Variants in TDP1 observed in about 807,000 individuals in gnomAD.
The protein encoded by TDP1 is tyr-DNA phosphodiesterase 1.
TDP1 carries 64 observed loss-of-function variants against 81.5 expected under a neutral mutation model. The ratio of observed to expected loss-of-function variants is 0.79; its 90% CI spans 0.64 to 0.97. The LOEUF (loss-of-function observed/expected upper bound fraction) is 0.97. TDP1 is among the 50% of genes least tolerant of loss of function. TDP1 has a pLI of 0.00. For missense variants in TDP1, 723 were observed against 743.8 expected, an observed-to-expected ratio of 0.97 and a Z score of 0.33; for synonymous variants, 256 against 264.3, an observed-to-expected ratio of 0.97 and a Z score of 0.30.
At chr14:89,965,512 G>T (rs1892835783) in intron 3 of TDP1, among the ~76,000 whole-genome samples, 1 of 152,212 alleles carries the variant, frequency 6.6e-6, no homozygotes, top group Admixed American at 6.5e-5. Flanking sequence ...AGATGTGGCT[G>T]TTGTAATGGA....
chr14:90,001,843 T>A (rs1897213529), intron 14 of TDP1, among the ~76,000 whole-genome samples: 1 of 152,126 alleles, frequency 6.6e-6, no homozygotes, highest in Non-Finnish European at 1.5e-5. Context: ...CTTCCCAGTT[T>A]ATTTTATTTA....
Position 89,993,436 on chromosome 14 carries a change from G to A in TDP1, c.1494G>A (p.Met498Ile). 5 of 1,613,906 alleles carry A rather than the reference G, an allele frequency of 3.1e-6. No individual in the cohort carries two copies. Among genetic ancestry groups the A allele is most frequent in the Non-Finnish European group, 4.2e-6 (5 of 1,179,878 alleles). The part of the protein sequence containing the change: ...SNAMPHIKTY[M>I]RPSPDFSKIA... ...CCATGCCACATATTAAGACATATAT[G>A]AGGCCTTCTCCAGACTTCAGTAAAA... is the stretch of plus-strand genomic sequence containing the variant. Residue 498 changes from methionine (M) to isoleucine (I), a missense_variant, in exon 14 of 17, where the codon ATG (methionine) becomes ATA (isoleucine). Physicochemically the swap from Met to Ile is conservative, Grantham distance 10 (BLOSUM62 1). Transcript: ENST00000335725.
At chr14:90,040,764 T>C (rs2140354043) in intron 16 of TDP1, among the ~76,000 whole-genome samples, 1 of 152,376 alleles carries the variant, frequency 6.6e-6, no homozygotes, top group Middle Eastern at 3.4e-3. Context: ...CCAGGAGTGA[T>C]GAGTTAAAAG....
At chr14:90,035,532 A>C (rs1194270527) in intron 16 of TDP1, among the ~76,000 whole-genome samples, 1 of 151,674 alleles carries the variant, frequency 6.6e-6, no homozygotes, top group African/African-American at 2.4e-5. Context: ...TCCACAACTT[A>C]CTAAATAGAC....
intron 5 of TDP1, among the ~76,000 whole-genome samples, chr14:89,970,171 T>C (rs36005472): frequency 0.095 from 14,458 of 152,244 alleles, 1,763 homozygotes; most frequent in African/African-American, 0.28. Flanking sequence ...CCACCGCGCC[T>C]GGCCGAAATA....
chr14:89,957,585 G>A (rs767132180), intron 2 of TDP1, among the ~76,000 whole-genome samples: 8 of 152,222 alleles, frequency 5.3e-5, no homozygotes, highest in Non-Finnish European at 1.0e-4. Flanking sequence ...AGGAGCAGCT[G>A]GAGGTGAAAG....
chr14:89,962,892 AAAAG>A (rs1442386524), intron 2 of TDP1: 8 of 985,128 alleles, frequency 8.1e-6, no homozygotes, highest in Non-Finnish European at 9.6e-6. Context: ...AAAGGAAGAA[AAAAG>A]AAAGGTGACC....
chr14:89,954,986 G>T (rs1039051116), upstream of TDP1: 3 of 421,532 alleles, frequency 7.1e-6, no homozygotes, highest in Middle Eastern at 6.2e-4. Flanking sequence ...CTAGGTGCTG[G>T]TTCAATGCCT....
At chr14:90,024,166 G>C (rs1886389994) in intron 15 of TDP1, among the ~76,000 whole-genome samples, 1 of 152,044 alleles carries the variant, frequency 6.6e-6, no homozygotes, top group Admixed American at 6.6e-5. Flanking sequence ...TCCTTAGCAG[G>C]GCTTCTTTTC....
At chr14:90,028,723 A>G (rs981785684) in intron 15 of TDP1, among the ~76,000 whole-genome samples, 5 of 152,230 alleles carry the variant, frequency 3.3e-5, no homozygotes, top group African/African-American at 4.8e-5. Flanking sequence ...AATTTGGATC[A>G]GAAATGGCAT....
chr14:89,986,633 G>T (rs1022229176), intron 10 of TDP1, among the ~76,000 whole-genome samples: 1 of 152,246 alleles, frequency 6.6e-6, no homozygotes, highest in African/African-American at 2.4e-5. Context: ...GTGATTAGGT[G>T]CCTGTTTCCA....
intron 15 of TDP1, among the ~76,000 whole-genome samples, chr14:90,027,048 A>G (rs926031653): frequency 5.9e-5 from 9 of 152,178 alleles, no homozygotes; most frequent in African/African-American, 1.9e-4. Context: ...GTCTTCCACA[A>G]TGGTTGAACT....
chr14:89,963,345 G>T lies in TDP1; in HGVS notation c.231G>T (p.Gln77His), dbSNP rs1201778737. ...NTDSVLPPKR[Q>H]KSGSQEDLGW... ...ATTCAGTTTTACCTCCCAAAAGGCA[G>T]AAAAGCGGTTCCCAGGAGGACCTCG... Residue 77 changes from glutamine to histidine, a missense_variant, in exon 3 of 17, where the codon CAG (glutamine) becomes CAT (histidine). Gln to His is a conservative substitution (Grantham distance 24). Coordinates refer to ENST00000335725, the MANE Select transcript of TDP1 (RefSeq NM_018319.4). 1 of 1,614,082 alleles carries T rather than the reference G, an allele frequency of 6.2e-7. No homozygotes were observed. The highest frequency in any genetic ancestry group is 1.3e-5 in the African/African-American group (1 of 74,926).
At chr14:90,016,261 C>T (rs955223586) in intron 14 of TDP1, among the ~76,000 whole-genome samples, 4 of 152,060 alleles carry the variant, frequency 2.6e-5, no homozygotes, top group Non-Finnish European at 5.9e-5. Flanking sequence ...TAAGACTGGT[C>T]TCGAACTCTC....
rs1039146240 is a variant in TDP1 at position 90,012,791 on chromosome 14, G to A, written c.1542-6525G>A. 1.1e-4 allele frequency among the ~76,000 whole-genome samples: 16 copies of A among 152,242 alleles called. No individual in the cohort carries two copies. In the South Asian group the frequency reaches 1.7e-3, roughly 16 times the overall value. ...ACTGACAGCTTGCATGGTGGGCCTG[G>A]AAAAGCTGCAGACACTCAATGCCGG... On this transcript the variant is annotated intron_variant, in intron 14 of 16. Coordinates refer to ENST00000335725, the MANE Select transcript of TDP1 (RefSeq NM_018319.4).
intron 14 of TDP1, among the ~76,000 whole-genome samples, chr14:90,010,162 A>T (rs1884533629): frequency 6.6e-6 from 1 of 152,218 alleles, no homozygotes; most frequent in South Asian, 2.1e-4. Flanking sequence ...GTCAAAAGAC[A>T]CCATTTTGGG....
chr14:90,041,507 TGAGGCTGC>T (rs1888351702), intron 16 of TDP1, among the ~76,000 whole-genome samples: 1 of 152,136 alleles, frequency 6.6e-6, no homozygotes, highest in South Asian at 2.1e-4. Flanking sequence ...GAACAAACCG[TGAGGCTGC>T]GAGAAGACAG....
At chr14:89,998,749 G>C (rs1244037305) in intron 14 of TDP1, among the ~76,000 whole-genome samples, 1 of 151,944 alleles carries the variant, frequency 6.6e-6, no homozygotes, top group African/African-American at 2.4e-5. Context: ...GCGGGGTGGG[G>C]AGTGGGAATA....
chr14:90,009,366 G>A (rs1306556715), intron 14 of TDP1, among the ~76,000 whole-genome samples: 5 of 152,216 alleles, frequency 3.3e-5, no homozygotes, highest in Admixed American at 3.3e-4. Flanking sequence ...AAGCAGAAAG[G>A]AAGCCACAAA....
Sources: gnomAD v4.1 joint callset for allele counts (sites outside exome capture counted in the v4.1 genomes callset) on GRCh38, gnomAD v4.1.1 for gene constraint, MANE v1.5 for transcripts, NCBI Gene and HGNC (gene_info 2026-07-23, HGNC 2026-07-21) for gene names.